The following CBFA2T3 variants were observed in gnomAD, a reference collection of about 807,000 sequenced individuals.
The protein encoded by CBFA2T3 is CBFA2/RUNX1 partner transcriptional co-repressor 3.
Under a neutral mutation model 58.6 loss-of-function variants are expected in CBFA2T3, and 31 were observed. The ratio of observed to expected loss-of-function variants is 0.53; its 90% CI spans 0.40 to 0.71. The LOEUF (loss-of-function observed/expected upper bound fraction) is 0.71, where lower values mean the gene tolerates loss of function less well. CBFA2T3 is among the 30% of genes least tolerant of loss of function. The pLI is 0.00. For synonymous variants in CBFA2T3, 531 were observed against 421.9 expected, an observed-to-expected ratio of 1.26 and a Z score of -3.17; for missense variants, 1,076 against 963.1, an observed-to-expected ratio of 1.12 and a Z score of -1.55.
chr16:88,923,651 G>A (rs1485403379), intron 1 of CBFA2T3, among the ~76,000 whole-genome samples: 1 of 152,234 alleles, frequency 6.6e-6, no homozygotes, highest in Non-Finnish European at 1.5e-5. Context: ...AGCACAGCTC[G>A]GGGAGGGAGG....
intron 1 of CBFA2T3, among the ~76,000 whole-genome samples, chr16:88,974,802 G>A (rs1485208061): frequency 6.6e-6 from 1 of 152,078 alleles, no homozygotes; most frequent in African/African-American, 2.4e-5. Context: ...AGCCAGGCGA[G>A]GCTTGATGCC....
At chr16:88,946,061 A>C (rs1971894228) in intron 1 of CBFA2T3, among the ~76,000 whole-genome samples, 1 of 152,198 alleles carries the variant, frequency 6.6e-6, no homozygotes, top group African/African-American at 2.4e-5. Flanking sequence ...TAATCCCAGG[A>C]CTTTGGGAGG....
Position 88,975,136 on chromosome 16 carries a change from C to CAT in CBFA2T3, c.151+1520_151+1521insAT, listed in dbSNP as rs1972777802. Among the ~76,000 whole-genome samples the CAT allele has an allele frequency of 1.8e-4, 23 of 124,888 alleles. 1 individual carries two copies. Among genetic ancestry groups the CAT allele is most frequent in the Admixed American group, 8.8e-4 (11 of 12,546 alleles). 81.9% of individuals were successfully genotyped at this position (124,888 alleles called of 152,430 possible). ...GGCCACCCTGGCCCTCTGCTCCTGA[C>CAT]CTGCAGCCATGTCAGAGGTCCACCC... On this transcript the variant is annotated intron_variant, in intron 1 of 11. Transcript: ENST00000268679.
At chr16:88,966,737 G>C (rs2142875071) in intron 1 of CBFA2T3, among the ~76,000 whole-genome samples, 1 of 152,218 alleles carries the variant, frequency 6.6e-6, no homozygotes, top group Admixed American at 6.5e-5. Flanking sequence ...ACACGAGCTG[G>C]GTGGGTTGGG....
rs557282726 is a variant in CBFA2T3 at position 88,922,884 on chromosome 16, A to G, written c.152-21228T>C. Among the ~76,000 whole-genome samples, 108 of 152,318 alleles carry G rather than the reference A, an allele frequency of 7.1e-4. 1 individual carries two copies. The highest frequency in any genetic ancestry group is 2.6e-3 in the African/African-American group (106 of 41,558). On this transcript the variant is annotated intron_variant, in intron 1 of 11. Coordinates refer to ENST00000268679, the MANE Select transcript of CBFA2T3 (RefSeq NM_005187.6). ...ACCCAGGAGGCTGTTCTGTTATATA[A>G]TCACGATGAAAACATAAACCTCTCA...
chr16:88,916,039 C>T (rs867912624), intron 1 of CBFA2T3, among the ~76,000 whole-genome samples: 10 of 148,672 alleles, frequency 6.7e-5, no homozygotes, highest in Middle Eastern at 3.9e-3. Flanking sequence ...TGTGTGCACT[C>T]GTGTACACAT....
At chr16:88,917,621 C>T (rs1254316071) in intron 1 of CBFA2T3, among the ~76,000 whole-genome samples, 1 of 152,154 alleles carries the variant, frequency 6.6e-6, no homozygotes. Context: ...CTGCAGAGGG[C>T]GGCTGCCAAG....
At chr16:88,926,907 C>T (rs973702590) in intron 1 of CBFA2T3, among the ~76,000 whole-genome samples, 1 of 152,220 alleles carries the variant, frequency 6.6e-6, no homozygotes, top group Non-Finnish European at 1.5e-5. Context: ...GTCCGGCCCC[C>T]GCTGCCTCCC....
intron 1 of CBFA2T3, among the ~76,000 whole-genome samples, chr16:88,903,479 A>T (rs1455143666): frequency 6.6e-6 from 1 of 151,882 alleles, no homozygotes; most frequent in Non-Finnish European, 1.5e-5. Context: ...CCTCCCTCGC[A>T]CAGGGCGCCC....
chr16:88,957,936 G>A (rs1972259583), intron 1 of CBFA2T3, among the ~76,000 whole-genome samples: 1 of 152,216 alleles, frequency 6.6e-6, no homozygotes, highest in Non-Finnish European at 1.5e-5. Context: ...CACACCTCTG[G>A]GGCTTTGCTA....
At chr16:88,924,861 G>A (rs1243618481) in intron 1 of CBFA2T3, among the ~76,000 whole-genome samples, 5 of 152,228 alleles carry the variant, frequency 3.3e-5, no homozygotes, top group Non-Finnish European at 7.3e-5. Context: ...GGCTGATGGA[G>A]GCCGCTGCCA....
chr16:88,904,783 T>C (rs1782962869), intron 1 of CBFA2T3, among the ~76,000 whole-genome samples: 1 of 152,170 alleles, frequency 6.6e-6, no homozygotes, highest in African/African-American at 2.4e-5. Context: ...TTGAATCCTG[T>C]GTGAGTGCTC....
intron 1 of CBFA2T3, among the ~76,000 whole-genome samples, chr16:88,902,162 C>G (rs900185667): frequency 6.6e-6 from 1 of 152,228 alleles, no homozygotes; most frequent in African/African-American, 2.4e-5. Flanking sequence ...CTAAGAGTCC[C>G]TTCCACTTTC....
At chr16:88,910,702 C>A (rs1970503409) in intron 1 of CBFA2T3, among the ~76,000 whole-genome samples, 4 of 152,224 alleles carry the variant, frequency 2.6e-5, no homozygotes, top group Admixed American at 2.0e-4. Flanking sequence ...CAGAGGAGAA[C>A]CTGGTGCTGA....
At chr16:88,959,589 A>T (rs1972310946) in intron 1 of CBFA2T3, among the ~76,000 whole-genome samples, 1 of 152,166 alleles carries the variant, frequency 6.6e-6, no homozygotes, top group Non-Finnish European at 1.5e-5. Flanking sequence ...TGATGCTGCG[A>T]TTGCCTGAGA....
intron 1 of CBFA2T3, among the ~76,000 whole-genome samples, chr16:88,970,256 A>G (rs920441162): frequency 1.3e-5 from 2 of 152,154 alleles, no homozygotes; most frequent in African/African-American, 4.8e-5. Context: ...TGCTTGATCC[A>G]GGGGTCGGCG....
chr16:88,931,341 A>G (rs1971293027), intron 1 of CBFA2T3, among the ~76,000 whole-genome samples: 1 of 152,078 alleles, frequency 6.6e-6, no homozygotes, highest in African/African-American at 2.4e-5. Flanking sequence ...GGCTGGAGTG[A>G]GTGGGAGCTG....
rs1968844928 is a variant in CBFA2T3, at chr16:88,876,747, G to A, written c.*229C>T. The A allele has an allele frequency of 1.3e-5, 6 of 467,700 alleles. No individual in the cohort carries two copies. Among genetic ancestry groups the A allele is most frequent in the East Asian group, 3.5e-5 (1 of 28,438 alleles). 29.0% of individuals were successfully genotyped at this position (467,700 alleles called of 1,614,324 possible). On this transcript the variant is annotated 3_prime_UTR_variant, in exon 12 of 12. Coordinates refer to ENST00000268679, the MANE Select transcript of CBFA2T3 (RefSeq NM_005187.6). Reference sequence around the variant, plus strand: ...AGACGTTGTCAGGAGGTCTCCGCGCGGAATCATTAGGTAGCTGAGGCAGGT... The same window carrying A: ...AGACGTTGTCAGGAGGTCTCCGCGCAGAATCATTAGGTAGCTGAGGCAGGT...
At chr16:88,972,372 C>T (rs974995813) in intron 1 of CBFA2T3, among the ~76,000 whole-genome samples, 4 of 152,160 alleles carry the variant, frequency 2.6e-5, no homozygotes, top group African/African-American at 9.7e-5. Context: ...CGTCCACTCT[C>T]CTGAGGACTT....
Sources: gnomAD v4.1 joint callset for allele counts (sites outside exome capture counted in the v4.1 genomes callset) on GRCh38, gnomAD v4.1.1 for gene constraint, MANE v1.5 for transcripts, NCBI Gene and HGNC (gene_info 2026-07-23, HGNC 2026-07-21) for gene names.